The following PLCXD3 variants were observed in gnomAD, a reference collection of about 807,000 sequenced individuals.
PLCXD3 encodes PI-PLC X domain-containing protein 3.
PLCXD3 carries 19 observed loss-of-function variants against 25.5 expected under a neutral mutation model. The observed-to-expected ratio is 0.75, with a 90% CI of 0.52 to 1.09. The LOEUF is 1.09. PLCXD3 is among the 50% of genes least tolerant of loss of function. The probability of loss-of-function intolerance (pLI) is 0.00; values close to 1 mark genes in which losing one functional copy is unlikely to be tolerated. For synonymous variants in PLCXD3, 174 were observed against 137.6 expected (o/e 1.26, Z -1.85); for missense variants, 411 against 388.1 (o/e 1.06, Z -0.50).
At chr5:41,324,634 T>A (rs1743570414) in intron 2 of PLCXD3, among the ~76,000 whole-genome samples, 1 of 152,184 alleles carries the variant, frequency 6.6e-6, no homozygotes, top group Admixed American at 6.5e-5. Flanking sequence ...TCAAGTTCAT[T>A]AGAACGACAG....
chr5:41,420,044 C>T (rs966508889), intron 1 of PLCXD3, among the ~76,000 whole-genome samples: 2 of 152,002 alleles, frequency 1.3e-5, no homozygotes, highest in Admixed American at 1.3e-4. Flanking sequence ...TTTAATTATT[C>T]TCTGTCAAAT....
chr5:41,308,956 C>G lies in PLCXD3; in HGVS notation c.*4661G>C, dbSNP rs995878535. ...CAGATAGGTTCTAAAGCCCATTCCTCACAAAATTAAAAGACACCATTTTTA... is the reference window on the plus strand; with the variant it reads ...CAGATAGGTTCTAAAGCCCATTCCTGACAAAATTAAAAGACACCATTTTTA... On this transcript the variant is annotated 3_prime_UTR_variant, in exon 3 of 3. Transcript: ENST00000377801. 5 of 152,560 alleles carry G rather than the reference C, an allele frequency of 3.3e-5. No homozygotes were observed. Among genetic ancestry groups the G allele is most frequent in the Non-Finnish European group, 7.4e-5 (5 of 68,018 alleles). 9.5% of individuals were successfully genotyped at this position (152,560 alleles called of 1,614,324 possible). A position where few individuals can be genotyped will look rare whatever the true frequency, so the allele number is the denominator to read the frequency against.
At chr5:41,442,054 A>T (rs556328384) in intron 1 of PLCXD3, among the ~76,000 whole-genome samples, 18 of 152,348 alleles carry the variant, frequency 1.2e-4, no homozygotes, top group African/African-American at 3.4e-4. Flanking sequence ...GTTGACGTCC[A>T]TTGAAGAACA....
chr5:41,356,001 C>G (rs761580911), intron 2 of PLCXD3, among the ~76,000 whole-genome samples: 11 of 152,022 alleles, frequency 7.2e-5, no homozygotes, highest in Non-Finnish European at 1.6e-4. Flanking sequence ...AATAACTTCT[C>G]TAAAAAAAAC....
chr5:41,315,113 C>A (rs1284086110), intron 2 of PLCXD3, among the ~76,000 whole-genome samples: 2 of 152,088 alleles, frequency 1.3e-5, no homozygotes, highest in Admixed American at 1.3e-4. Context: ...TGGATCCAGG[C>A]AGACAGATAC....
At chr5:41,331,729 T>TGGTACC (rs956596794) in intron 2 of PLCXD3, among the ~76,000 whole-genome samples, 8 of 152,322 alleles carry the variant, frequency 5.3e-5, no homozygotes, top group African/African-American at 1.9e-4. Context: ...AGCATGGTAC[T>TGGTACC]GGTACCAAAA....
rs543904025 is a variant in PLCXD3, at chr5:41,307,348, C to G, written c.*6269G>C. The G allele has an allele frequency of 6.5e-6, 1 of 152,680 alleles. No homozygotes were observed. Among genetic ancestry groups the G allele is most frequent in the South Asian group, 2.1e-4 (1 of 4,822 alleles). 9.5% of individuals were successfully genotyped at this position (152,680 alleles called of 1,614,324 possible). ...TACTGAAAATGTTTCAAAATTCCAT[C>G]TGCATTCAGTCTCTGTCAAGGATTC... On this transcript the variant is annotated 3_prime_UTR_variant, in exon 3 of 3. Transcript: ENST00000377801.
At chr5:41,493,740 C>A (rs6870727) in intron 1 of PLCXD3, among the ~76,000 whole-genome samples, 32,702 of 152,192 alleles carry the variant, frequency 0.21, 3,504 homozygotes, top group East Asian at 0.28. Flanking sequence ...CCCTCCGAGC[C>A]AGGTGCCGGG....
At chr5:41,444,273 A>C (rs1747448187) in intron 1 of PLCXD3, among the ~76,000 whole-genome samples, 1 of 152,140 alleles carries the variant, frequency 6.6e-6, no homozygotes, top group Non-Finnish European at 1.5e-5. Context: ...CTTTCTTAGG[A>C]GGGTTAATAT....
chr5:41,408,174 A>G (rs188868972), intron 1 of PLCXD3, among the ~76,000 whole-genome samples: 41 of 152,286 alleles, frequency 2.7e-4, no homozygotes, highest in African/African-American at 9.4e-4. Context: ...TCTTTCTCAT[A>G]TGAATTTATT....
chr5:41,392,925 A>G (rs1454409879), intron 1 of PLCXD3, among the ~76,000 whole-genome samples: 1 of 152,196 alleles, frequency 6.6e-6, no homozygotes, highest in East Asian at 1.9e-4. Context: ...CTGGTATACT[A>G]AAGAATGCAT....
At chr5:41,369,681 G>T (rs1444061343) in intron 2 of PLCXD3, among the ~76,000 whole-genome samples, 1 of 152,228 alleles carries the variant, frequency 6.6e-6, no homozygotes, top group East Asian at 1.9e-4. Flanking sequence ...GTTTCACCAT[G>T]TTGGCCATGC....
At chr5:41,497,847 C>T (rs1748873330) in intron 1 of PLCXD3, among the ~76,000 whole-genome samples, 1 of 151,720 alleles carries the variant, frequency 6.6e-6, no homozygotes, top group African/African-American at 2.4e-5. Context: ...GTATCTTCTT[C>T]AAGTATCTTC....
At chr5:41,457,153 T>C (rs1264208715) in intron 1 of PLCXD3, among the ~76,000 whole-genome samples, 1 of 151,962 alleles carries the variant, frequency 6.6e-6, no homozygotes, top group Non-Finnish European at 1.5e-5. Flanking sequence ...CCCTTGAAAT[T>C]CTGTTGGATA....
At chr5:41,403,429 G>GTTTTTT in intron 1 of PLCXD3, among the ~76,000 whole-genome samples, 2 of 10,232 alleles carry the variant, frequency 2.0e-4, no homozygotes, top group Non-Finnish European at 2.8e-4. Flanking sequence ...TATACTCTAA[G>GTTTTTT]TTTTAGGGTA....
chr5:41,474,699 T>A (rs1384504920), intron 1 of PLCXD3, among the ~76,000 whole-genome samples: 4 of 152,182 alleles, frequency 2.6e-5, no homozygotes, highest in Non-Finnish European at 5.9e-5. Context: ...ATTTTCCCAG[T>A]TCAAAAACCC....
intron 2 of PLCXD3, among the ~76,000 whole-genome samples, chr5:41,346,096 G>T (rs985556501): frequency 1.3e-5 from 2 of 152,096 alleles, no homozygotes; most frequent in African/African-American, 4.8e-5. Flanking sequence ...GGCGTGGCTG[G>T]TCTCGAACTC....
intron 1 of PLCXD3, among the ~76,000 whole-genome samples, chr5:41,508,815 T>C (rs889873001): frequency 5.3e-5 from 8 of 152,170 alleles, no homozygotes; most frequent in African/African-American, 1.2e-4. Flanking sequence ...AGAAAAGGAA[T>C]GGGAATGCCT....
intron 1 of PLCXD3, among the ~76,000 whole-genome samples, chr5:41,465,828 G>A (rs749131790): frequency 6.6e-6 from 1 of 152,136 alleles, no homozygotes; most frequent in South Asian, 2.1e-4. Flanking sequence ...CCTTATTGAT[G>A]CTTCTTACTA....
Sources: gnomAD v4.1 joint callset for allele counts (sites outside exome capture counted in the v4.1 genomes callset) on GRCh38, gnomAD v4.1.1 for gene constraint, MANE v1.5 for transcripts, NCBI Gene and HGNC (gene_info 2026-07-23, HGNC 2026-07-21) for gene names.